C1QTNF3: variants seen among roughly 807,000 people sequenced by gnomAD.
C1QTNF3 encodes complement C1q tumor necrosis factor-related protein 3.
In C1QTNF3, 26 loss-of-function variants were observed where a neutral mutation model predicts 32.6. The ratio of observed to expected loss-of-function variants is 0.80; its 90% CI spans 0.58 to 1.11. The LOEUF (loss-of-function observed/expected upper bound fraction) is 1.11, where lower values mean the gene tolerates loss of function less well. C1QTNF3 is among the 50% of genes least tolerant of loss of function. The pLI is 0.00. For synonymous variants in C1QTNF3, 155 were observed against 146.0 expected (o/e 1.06, Z -0.44); for missense variants, 362 against 398.2 (o/e 0.91, Z 0.77).
At chr5:34,052,986 G>T in the C1QTNF3 span, among the ~76,000 whole-genome samples, 1 of 152,120 alleles carries the variant, frequency 6.6e-6, no homozygotes, top group Non-Finnish European at 1.5e-5. Flanking sequence ...AGTTTGGGAG[G>T]CTTCTGCAAT....
chr5:34,158,356 C>G, the C1QTNF3 span: 1 of 152,096 alleles, frequency 6.6e-6, no homozygotes, highest in Non-Finnish European at 1.5e-5. Flanking sequence ...ATCCACCCGC[C>G]GCGGCCTCCC....
the C1QTNF3 span, among the ~76,000 whole-genome samples, chr5:34,125,963 G>A: frequency 6.6e-6 from 1 of 152,014 alleles, no homozygotes; most frequent in Non-Finnish European, 1.5e-5. Context: ...TGTATAAGAG[G>A]GAATTGTCTA....
chr5:34,142,555 C>G, the C1QTNF3 span, among the ~76,000 whole-genome samples: 1 of 152,120 alleles, frequency 6.6e-6, no homozygotes, highest in African/African-American at 2.4e-5. Flanking sequence ...CACTGCAGAG[C>G]ATGGCTGCAA....
the C1QTNF3 span, among the ~76,000 whole-genome samples, chr5:34,130,308 C>T: frequency 6.6e-6 from 1 of 152,024 alleles, no homozygotes; most frequent in Non-Finnish European, 1.5e-5. Context: ...AACATGATCC[C>T]TCAGTTCTGT....
At chr5:34,213,567 T>C in the C1QTNF3 span, among the ~76,000 whole-genome samples, 140 of 150,886 alleles carry the variant, frequency 9.3e-4, no homozygotes, top group African/African-American at 3.3e-3. Context: ...AATTACATAA[T>C]AGAATACAGT....
the C1QTNF3 span, among the ~76,000 whole-genome samples, chr5:34,213,329 T>C: frequency 8.1e-4 from 123 of 152,216 alleles, 2 homozygotes; most frequent in East Asian, 0.016. Context: ...CATATCCTCA[T>C]TGCTAAGTGA....
the C1QTNF3 span, among the ~76,000 whole-genome samples, chr5:34,134,325 G>T: frequency 6.6e-6 from 1 of 151,522 alleles, no homozygotes; most frequent in African/African-American, 2.4e-5. Context: ...ACAAGTATTT[G>T]CTTATCACCT....
the C1QTNF3 span, among the ~76,000 whole-genome samples, chr5:34,067,938 T>C: frequency 6.6e-6 from 1 of 152,200 alleles, no homozygotes; most frequent in East Asian, 1.9e-4. Context: ...TCGTTCCTTA[T>C]CTTATAAAAT....
the C1QTNF3 span, among the ~76,000 whole-genome samples, chr5:34,173,569 A>AT: frequency 4.8e-5 from 6 of 124,246 alleles, no homozygotes; most frequent in Admixed American, 5.6e-4. Context: ...TATTTTATCT[A>AT]TATCTATGAC....
At chr5:34,033,162 T>C (rs1754657025) in intron 3 of C1QTNF3, 142 bp downstream of exon 3, 1 of 872,484 alleles carries the variant, frequency 1.1e-6, no homozygotes, top group Non-Finnish European at 1.8e-6. Context: ...GCAAACATCC[T>C]GTGATGTAGA....
the C1QTNF3 span, among the ~76,000 whole-genome samples, chr5:34,213,659 T>C: frequency 6.8e-6 from 1 of 147,120 alleles, no homozygotes; most frequent in African/African-American, 2.5e-5. Flanking sequence ...AACCTATTAA[T>C]ATAGATATAG....
At chr5:34,137,013 G>A in the C1QTNF3 span, among the ~76,000 whole-genome samples, 1 of 151,822 alleles carries the variant, frequency 6.6e-6, no homozygotes, top group African/African-American at 2.4e-5. Flanking sequence ...GGGGGCCTGG[G>A]GGAGGGATAG....
chr5:34,114,136 A>G, the C1QTNF3 span, among the ~76,000 whole-genome samples: 12 of 152,192 alleles, frequency 7.9e-5, no homozygotes, highest in African/African-American at 2.9e-4. Flanking sequence ...TCATGGTTTT[A>G]AATAGGATGT....
the C1QTNF3 span, among the ~76,000 whole-genome samples, chr5:34,213,775 G>A: frequency 5.2e-5 from 2 of 38,462 alleles, no homozygotes; most frequent in Non-Finnish European, 1.0e-4. Flanking sequence ...ACACACATAC[G>A]TGTATATATA....
chr5:34,119,297 C>T, the C1QTNF3 span, among the ~76,000 whole-genome samples: 1 of 152,044 alleles, frequency 6.6e-6, no homozygotes, highest in Non-Finnish European at 1.5e-5. Flanking sequence ...TAAAAGCTTC[C>T]CCAGTTTTCT....
At chr5:34,068,998 C>T in the C1QTNF3 span, among the ~76,000 whole-genome samples, 358 of 150,288 alleles carry the variant, frequency 2.4e-3, 1 homozygote, top group African/African-American at 8.6e-3. Flanking sequence ...ACACAGTAAA[C>T]ATCACCTGTG....
At chr5:34,084,788 G>GT in the C1QTNF3 span, among the ~76,000 whole-genome samples, 1 of 92,978 alleles carries the variant, frequency 1.1e-5, no homozygotes, top group East Asian at 2.4e-4. Flanking sequence ...TGGTTTTTCT[G>GT]GTTTTTTTTT....
At chr5:34,205,605 C>G in the C1QTNF3 span, among the ~76,000 whole-genome samples, 1 of 152,010 alleles carries the variant, frequency 6.6e-6, no homozygotes, top group Non-Finnish European at 1.5e-5. Flanking sequence ...CTGAGGCTTC[C>G]CCATCCTTGC....
chr5:34,053,074 A>G, the C1QTNF3 span, among the ~76,000 whole-genome samples: 1 of 152,188 alleles, frequency 6.6e-6, no homozygotes, highest in Non-Finnish European at 1.5e-5. Flanking sequence ...CTATATAGAA[A>G]CAGAGATAAA....
Sources: gnomAD v4.1 joint callset for allele counts (sites outside exome capture counted in the v4.1 genomes callset) on GRCh38, gnomAD v4.1.1 for gene constraint, MANE v1.5 for transcripts, NCBI Gene and HGNC (gene_info 2026-07-23, HGNC 2026-07-21) for gene names.